Variants in WDR12 observed in about 807,000 individuals in gnomAD.
WDR12 encodes WD repeat domain 12.
WDR12 carries 42 observed loss-of-function variants against 64.3 expected under a neutral mutation model. The ratio of observed to expected loss-of-function variants is 0.65; its 90% CI spans 0.51 to 0.84. The LOEUF (loss-of-function observed/expected upper bound fraction) is 0.84, where lower values mean the gene tolerates loss of function less well. Among genes scored for constraint, WDR12 ranks in the 40% least tolerant of loss-of-function variants. WDR12 has a pLI of 0.00. For synonymous variants in WDR12, 158 were observed against 173.3 expected (o/e 0.91, Z 0.70); for missense variants, 469 against 494.6 (o/e 0.95, Z 0.49).
At chr2:202,910,025 G>A (rs72936847) in intron 1 of WDR12, among the ~76,000 whole-genome samples, 13,521 of 152,088 alleles carry the variant, frequency 0.089, 734 homozygotes, top group Non-Finnish European at 0.12. Context: ...TCAAACTCCT[G>A]AGATAAGCGA....
In WDR12 at chr2:202,884,949, T is replaced by A. The variant is rs996299430; in HGVS notation, c.742-414A>T. Among the ~76,000 whole-genome samples, 10 of 152,184 alleles carry A rather than the reference T, an allele frequency of 6.6e-5. 1 individual carries two copies. The highest frequency in any genetic ancestry group is 4.6e-4 in the Admixed American group (7 of 15,272). Reference sequence around the variant, plus strand: ...AATGGCCTTGGACTGATGGATACAGTTTCTCCCCCCCTCTTTTCTTCTTGC... The same window carrying A: ...AATGGCCTTGGACTGATGGATACAGATTCTCCCCCCCTCTTTTCTTCTTGC... On this transcript the variant is annotated intron_variant, in intron 8 of 12. Coordinates refer to ENST00000261015, the MANE Select transcript of WDR12 (RefSeq NM_018256.4).
chr2:202,889,923 G>T (rs951344074), intron 8 of WDR12, among the ~76,000 whole-genome samples: 9 of 151,668 alleles, frequency 5.9e-5, no homozygotes, highest in African/African-American at 2.2e-4. Context: ...TCCATCAAAA[G>T]AATAATAAAT....
chr2:202,883,374 G>T, intron 11 of WDR12: 1 of 402,084 alleles, frequency 2.5e-6, no homozygotes, highest in East Asian at 4.8e-5. Flanking sequence ...AGCCTCAGGT[G>T]ATCTGCCTGC....
chr2:202,909,674 T>C (rs1688529893), intron 1 of WDR12, among the ~76,000 whole-genome samples: 1 of 152,226 alleles, frequency 6.6e-6, no homozygotes, highest in African/African-American at 2.4e-5. Context: ...TTTATGTATA[T>C]AATTCACATA....
chr2:202,904,659 C>A (rs542885471), intron 2 of WDR12, among the ~76,000 whole-genome samples: 83 of 152,216 alleles, frequency 5.5e-4, no homozygotes, highest in Admixed American at 1.3e-3. Flanking sequence ...TTGCCACATA[C>A]AAAAGTCAAA....
chr2:202,905,598 T>A (rs1273472206), intron 2 of WDR12, among the ~76,000 whole-genome samples: 1 of 152,204 alleles, frequency 6.6e-6, no homozygotes, highest in East Asian at 1.9e-4. Context: ...AGAGCTACCA[T>A]ATGATCCAGC....
At position 202,878,193 on chromosome 2, in the gene WDR12, G is replaced by A. The variant is rs1361287400; in HGVS notation, c.*2667C>T. ...GAATAGGTGGGGACCAGTTCTGGATGCCATTTTATTCTTTGTCTATGCATC... is the reference window on the plus strand; with the variant it reads ...GAATAGGTGGGGACCAGTTCTGGATACCATTTTATTCTTTGTCTATGCATC... On this transcript the variant is annotated 3_prime_UTR_variant, in exon 13 of 13. Coordinates refer to ENST00000261015, the MANE Select transcript of WDR12 (RefSeq NM_018256.4). 6.6e-6 allele frequency: 1 copy of A among 152,198 alleles called. No homozygotes were observed. The highest frequency in any genetic ancestry group is 1.5e-5 in the Non-Finnish European group (1 of 68,036). The allele number at this position is 152,198 out of a possible 1,614,324, so 9.4% of individuals were successfully genotyped here.
intron 8 of WDR12, among the ~76,000 whole-genome samples, chr2:202,890,129 G>A (rs1240545286): frequency 1.3e-5 from 2 of 151,936 alleles, no homozygotes. Context: ...TCAGGAGGCT[G>A]GGGTGGGAAG....
At chr2:202,884,683 T>G in intron 8 of WDR12, 148 bp from the exon 9 acceptor site, 3 of 883,160 alleles carry the variant, frequency 3.4e-6, no homozygotes, top group Non-Finnish European at 5.0e-6. Flanking sequence ...TACAATGGAA[T>G]GGATATTTCT....
chr2:202,895,768 G>A (rs1297898909), intron 6 of WDR12, among the ~76,000 whole-genome samples: 1 of 149,510 alleles, frequency 6.7e-6, no homozygotes, highest in African/African-American at 2.5e-5. Flanking sequence ...GACCTCAGGT[G>A]ATCTGCCCGC....
intron 8 of WDR12, among the ~76,000 whole-genome samples, chr2:202,890,057 T>C (rs767974654): frequency 1.3e-5 from 2 of 151,344 alleles, no homozygotes; most frequent in Non-Finnish European, 2.9e-5. Flanking sequence ...CAAAACCCAA[T>C]ATCTACAAAA....
At chr2:202,885,202 G>T (rs866347886) in intron 8 of WDR12, among the ~76,000 whole-genome samples, 1 of 152,164 alleles carries the variant, frequency 6.6e-6, no homozygotes, top group Non-Finnish European at 1.5e-5. Flanking sequence ...CACTCCATTT[G>T]CCCCTGGCAG....
rs149730808 is a variant in WDR12, at chr2:202,891,784, A to G, written c.741+833T>C. 5.4e-3 allele frequency among the ~76,000 whole-genome samples: 828 copies of G among 152,342 alleles called. 11 individuals carry two copies. The highest frequency in any genetic ancestry group is 0.019 in the African/African-American group (781 of 41,572). ...ACCTGACTCAGTATTGCCCTTCACA[A>G]AAAGTATATAAATACAGGTCAGGTC... is the stretch of plus-strand genomic sequence containing the variant. On this transcript the variant is annotated intron_variant, in intron 8 of 12. Transcript: ENST00000261015.
chr2:202,911,338 G>A (rs917683539), intron 1 of WDR12, 98 bp downstream of exon 1: 4 of 1,175,192 alleles, frequency 3.4e-6, no homozygotes, highest in Non-Finnish European at 5.1e-6. Context: ...AAAGGGTGGG[G>A]GTGACAGCAG....
At chr2:202,882,823 G>C (rs1687979769) in intron 11 of WDR12, 40 bp from the exon 12 acceptor site, 1 of 1,582,216 alleles carries the variant, frequency 6.3e-7, no homozygotes, top group Non-Finnish European at 8.7e-7. Flanking sequence ...TGCATTCACA[G>C]TGTTAAAACA....
At chr2:202,895,159 C>G (rs544455899) in intron 6 of WDR12, among the ~76,000 whole-genome samples, 1 of 152,304 alleles carries the variant, frequency 6.6e-6, no homozygotes, top group Admixed American at 6.5e-5. Context: ...TACAAGCATC[C>G]TGTTACCCTA....
intron 2 of WDR12, among the ~76,000 whole-genome samples, chr2:202,904,479 G>T (rs1688418804): frequency 6.6e-6 from 1 of 152,160 alleles, no homozygotes; most frequent in Non-Finnish European, 1.5e-5. Context: ...GCATGGTACT[G>T]GCATAAAAAC....
rs565256845 is a variant in WDR12, at chr2:202,881,999, G to A, written c.1194+712C>T. ...TACCCAGGCTAGAGTGCAGTGGCGC[G>A]ATCATAGTTCATTGCATCCTCGACC... is the stretch of plus-strand genomic sequence containing the variant. On this transcript the variant is annotated intron_variant, in intron 12 of 12. Coordinates refer to ENST00000261015, the MANE Select transcript of WDR12 (RefSeq NM_018256.4). Among the ~76,000 whole-genome samples, 9 of 152,120 alleles carry A rather than the reference G, an allele frequency of 5.9e-5. No homozygotes were observed. In the South Asian group the frequency reaches 1.5e-3, roughly 25 times the overall value.
intron 1 of WDR12, among the ~76,000 whole-genome samples, chr2:202,908,331 C>T (rs1335594324): frequency 6.6e-6 from 1 of 152,108 alleles, no homozygotes; most frequent in African/African-American, 2.4e-5. Context: ...GGCATGTGCC[C>T]GTAGTCCCAG....
Sources: allele counts gnomAD v4.1 joint callset (sites outside exome capture counted in the v4.1 genomes callset), GRCh38; gene constraint gnomAD v4.1.1; transcripts MANE v1.5; gene names NCBI Gene and HGNC (gene_info 2026-07-23, HGNC 2026-07-21).